Variants in ASIC2 observed in about 807,000 individuals in gnomAD.
ASIC2 encodes the protein acid sensing ion channel subunit 2.
Under a neutral mutation model 57.3 loss-of-function variants are expected in ASIC2, and 25 were observed. The ratio of observed to expected loss-of-function variants is 0.44; its 90% confidence interval spans 0.32 to 0.61. ASIC2 has a LOEUF of 0.61. Among genes scored for constraint, ASIC2 ranks in the 20% least tolerant of loss-of-function variants. The probability of loss-of-function intolerance (pLI) is 0.06; values close to 1 mark genes in which losing one functional copy is unlikely to be tolerated. For synonymous variants in ASIC2, 319 were observed against 307.5 expected, an observed-to-expected ratio of 1.04 and a Z score of -0.39; for missense variants, 641 against 738.1, an observed-to-expected ratio of 0.87 and a Z score of 1.52.
chr17:33,571,556 G>A (rs1035470038), intron 1 of ASIC2, among the ~76,000 whole-genome samples: 2 of 152,318 alleles, frequency 1.3e-5, no homozygotes, highest in South Asian at 2.1e-4. Flanking sequence ...CAGATGCCCA[G>A]AAACATGTTA....
At chr17:33,898,743 C>T (rs909214553) in intron 1 of ASIC2, among the ~76,000 whole-genome samples, 8 of 152,140 alleles carry the variant, frequency 5.3e-5, no homozygotes, top group African/African-American at 1.9e-4. Flanking sequence ...TATGTGACCA[C>T]TTTGCATTCT....
chr17:34,033,402 A>G (rs1205248351), intron 1 of ASIC2, among the ~76,000 whole-genome samples: 5 of 152,198 alleles, frequency 3.3e-5, no homozygotes. Flanking sequence ...AATGCCCACA[A>G]GAGAAAGCAG....
At chr17:33,322,677 A>G (rs1427489641) in intron 1 of ASIC2, among the ~76,000 whole-genome samples, 4 of 152,196 alleles carry the variant, frequency 2.6e-5, no homozygotes, top group Non-Finnish European at 4.4e-5. Flanking sequence ...CAACAATGTT[A>G]CTGTCTAATA....
chr17:33,297,343 G>A (rs1905757837), upstream of ASIC2, among the ~76,000 whole-genome samples: 1 of 152,148 alleles, frequency 6.6e-6, no homozygotes, highest in South Asian at 2.1e-4. Flanking sequence ...GGTACTTCTA[G>A]CTCCTGATAT....
At chr17:33,441,740 T>G (rs1911829581) in intron 1 of ASIC2, among the ~76,000 whole-genome samples, 1 of 152,144 alleles carries the variant, frequency 6.6e-6, no homozygotes, top group Non-Finnish European at 1.5e-5. Flanking sequence ...CCTTGCAAAG[T>G]TCCCCCCAGT....
At chr17:33,090,345 T>C (rs1402226349) in intron 2 of ASIC2, among the ~76,000 whole-genome samples, 1 of 152,198 alleles carries the variant, frequency 6.6e-6, no homozygotes, top group African/African-American at 2.4e-5. Context: ...TCCAGCAGGC[T>C]GGAGTATCCT....
rs1046709075 is a variant in ASIC2, at chr17:33,808,092, T to C, written c.555+347886A>G. On this transcript the variant is annotated intron_variant, in intron 1 of 9. Transcript: ENST00000359872. ...CATTGATTGTGCCTTTGGTGTTACA[T>C]ATAAAAAGTCATTGCCAAGTCCTAG... Among the ~76,000 whole-genome samples the C allele has an allele frequency of 4.6e-5, 7 of 152,362 alleles. No individual in the cohort carries two copies. The East Asian group carries it at 1.3e-3, about 29-fold the overall frequency.
intron 1 of ASIC2, among the ~76,000 whole-genome samples, chr17:33,749,889 T>C (rs905762763): frequency 1.3e-5 from 2 of 152,152 alleles, no homozygotes; most frequent in African/African-American, 4.8e-5. Context: ...AAATGTCCCA[T>C]GCTGCCAACT....
At chr17:34,032,068 A>C (rs553107466) in intron 1 of ASIC2, among the ~76,000 whole-genome samples, 1 of 152,336 alleles carries the variant, frequency 6.6e-6, no homozygotes, top group East Asian at 1.9e-4. Context: ...TGTCAGATGA[A>C]CCAAAGTTGG....
At chr17:33,178,449 A>T (rs1905847939) in intron 1 of ASIC2, among the ~76,000 whole-genome samples, 1 of 152,180 alleles carries the variant, frequency 6.6e-6, no homozygotes, top group South Asian at 2.1e-4. Flanking sequence ...CAGTCAACAA[A>T]TATTTATTTA....
chr17:34,063,654 A>G (rs1321279330), intron 1 of ASIC2, among the ~76,000 whole-genome samples: 3 of 152,184 alleles, frequency 2.0e-5, no homozygotes, highest in African/African-American at 7.2e-5. Flanking sequence ...TAGAACTGAT[A>G]AAAGAACTCA....
intron 1 of ASIC2, among the ~76,000 whole-genome samples, chr17:33,666,694 C>CTGGA (rs1340170286): frequency 6.6e-6 from 1 of 152,158 alleles, no homozygotes; most frequent in Non-Finnish European, 1.5e-5. Flanking sequence ...CTGCCCAGGA[C>CTGGA]TGGACCTCCA....
rs563445744 is a variant in ASIC2 at position 33,712,855 on chromosome 17, C to T, written c.555+443123G>A. On this transcript the variant is annotated intron_variant, in intron 1 of 9. Coordinates refer to the ASIC2 transcript ENST00000359872. ...AGAGACGGGGTTTCACCGTTTTAGC[C>T]GGGATGGTCTCGATCTCCTGACCTC... Among the ~76,000 whole-genome samples, 6 of 151,678 alleles carry T rather than the reference C, an allele frequency of 4.0e-5. No individual in the cohort carries two copies. In the South Asian group the frequency reaches 1.3e-3, roughly 32 times the overall value.
intron 1 of ASIC2, among the ~76,000 whole-genome samples, chr17:33,660,019 G>A (rs1907207207): frequency 6.6e-6 from 1 of 152,056 alleles, no homozygotes; most frequent in Non-Finnish European, 1.5e-5. Flanking sequence ...GGGAGGAGGA[G>A]GTTGCAGTGA....
chr17:34,113,555 C>CTT (rs1911339838), intron 1 of ASIC2, among the ~76,000 whole-genome samples: 1 of 149,820 alleles, frequency 6.7e-6, no homozygotes, highest in Admixed American at 6.7e-5. Context: ...GAACAAAACT[C>CTT]TGTCTTAAGG....
At chr17:33,474,697 A>C (rs1306832096) in intron 1 of ASIC2, among the ~76,000 whole-genome samples, 1 of 152,216 alleles carries the variant, frequency 6.6e-6, no homozygotes, top group Non-Finnish European at 1.5e-5. Flanking sequence ...CCTGACCAGA[A>C]GCTCAAGGGC....
chr17:34,146,352 A>G (rs532308052), intron 1 of ASIC2, among the ~76,000 whole-genome samples: 2 of 152,350 alleles, frequency 1.3e-5, no homozygotes, highest in South Asian at 4.1e-4. Flanking sequence ...TATGGATAAA[A>G]AAGCTAAAAC....
intron 1 of ASIC2, chr17:34,069,482 C>A (rs764736338): frequency 2.6e-5 from 4 of 151,214 alleles, no homozygotes; most frequent in African/African-American, 4.9e-5. Context: ...CTATCACTGA[C>A]TGAGTTAGTT....
intron 1 of ASIC2, among the ~76,000 whole-genome samples, chr17:33,880,529 C>A (rs1914672585): frequency 6.6e-6 from 1 of 152,294 alleles, no homozygotes; most frequent in South Asian, 2.1e-4. Context: ...AATTCCTCAA[C>A]ACATACACCC....
Sources: gnomAD v4.1 joint callset for allele counts (sites outside exome capture counted in the v4.1 genomes callset) on GRCh38, gnomAD v4.1.1 for gene constraint, MANE v1.5 for transcripts, NCBI Gene and HGNC (gene_info 2026-07-23, HGNC 2026-07-21) for gene names.